Variants in TBC1D16 observed in about 807,000 individuals in gnomAD.
TBC1D16 encodes CTD-2529O21.1.
TBC1D16 carries 58 observed loss-of-function variants against 74.7 expected under a neutral mutation model. The ratio of observed to expected loss-of-function variants is 0.78; its 90% CI spans 0.63 to 0.97. The LOEUF is 0.97. Ranked by LOEUF, TBC1D16 falls within the 50% of genes least tolerant of loss-of-function variation. The pLI is 0.00. For missense variants in TBC1D16, 1,014 were observed against 1,079.5 expected (o/e 0.94, Z 0.85); for synonymous variants, 493 against 474.7 (o/e 1.04, Z -0.50).
rs2031461918 is a variant in TBC1D16, at chr17:79,934,520, T to C, written c.*6339A>G. On this transcript the variant is annotated 3_prime_UTR_variant, in exon 12 of 12. Transcript: ENST00000310924. ...GCCAGGACGTGGCTTCCAGGCAGGA[T>C]GGGGAAGCACCTCCCACTCCCACAT... is the stretch of plus-strand genomic sequence containing the variant. 1 of 152,164 alleles carries C rather than the reference T, an allele frequency of 6.6e-6. No individual in the cohort carries two copies. 9.4% of individuals were successfully genotyped at this position (152,164 alleles called of 1,614,324 possible).
At chr17:79,943,814 A>G (rs1159350942) in intron 10 of TBC1D16, 13 of 1,315,902 alleles carry the variant, frequency 9.9e-6, no homozygotes, top group Non-Finnish European at 1.3e-5. Flanking sequence ...GTTCACGGGT[A>G]ACATCAGCCT....
rs964950119 is a variant in TBC1D16 at position 79,990,128 on chromosome 17, G to C, written c.779+20032C>G. Among the ~76,000 whole-genome samples, 1 of 152,210 alleles carries C rather than the reference G, an allele frequency of 6.6e-6. No homozygotes were observed. The highest frequency in any genetic ancestry group is 2.4e-5 in the African/African-American group (1 of 41,452). ...AAGGTTTTCCCACACTCCATGTCAG[G>C]TCTCTGACATGAACCAGCTTTCAGA... On this transcript the variant is annotated intron_variant, in intron 3 of 11. Transcript: ENST00000310924. This position sits in a 1 kb window ranked among gnomAD's most constrained non-coding sequence, Gnocchi z 4.8.
chr17:79,998,125 CAA>C (rs901486919), intron 3 of TBC1D16, among the ~76,000 whole-genome samples: 1,006 of 51,930 alleles, frequency 0.019, 7 homozygotes, highest in East Asian at 0.12. Context: ...AACTCTGTCT[CAA>C]AAAAAAAAAA....
At chr17:80,033,166 AAC>A (rs1598459532) in intron 1 of TBC1D16, among the ~76,000 whole-genome samples, 1 of 152,224 alleles carries the variant, frequency 6.6e-6, no homozygotes, top group Non-Finnish European at 1.5e-5. Context: ...GGTCATTAAT[AAC>A]AGTGTTAAAA....
At chr17:79,968,071 C>A (rs554346926) in intron 3 of TBC1D16, among the ~76,000 whole-genome samples, 1 of 151,912 alleles carries the variant, frequency 6.6e-6, no homozygotes, top group Non-Finnish European at 1.5e-5. Context: ...CGGCTCACTG[C>A]AACCTCCGCC....
chr17:79,976,341 C>T (rs138775904), intron 3 of TBC1D16, among the ~76,000 whole-genome samples: 570 of 152,300 alleles, frequency 3.7e-3, no homozygotes, highest in Non-Finnish European at 5.6e-3. Context: ...AACCATAAGG[C>T]ATTTTCTCAC....
At chr17:79,997,500 C>T (rs2035318989) in intron 3 of TBC1D16, among the ~76,000 whole-genome samples, 1 of 152,122 alleles carries the variant, frequency 6.6e-6, no homozygotes. Context: ...AACCATGGCC[C>T]GAGGGCCAAA....
Position 80,010,579 on chromosome 17 carries a change from T to A in TBC1D16, c.360A>T (p.Gly120=). 6.3e-7 allele frequency: 1 copy of A among 1,595,530 alleles called. No individual in the cohort carries two copies. Among genetic ancestry groups the A allele is most frequent in the Non-Finnish European group, 8.5e-7 (1 of 1,173,480 alleles). ...RPRGRRTRSS[G]ASHQPSPTEL... ...CCGTCGGGGAGGGCTGGTGGGAGGC[T>A]CCTGAGCTCCGGGTGCGCCGGCCCC... Residue 120 remains glycine, a synonymous_variant, in exon 3 of 12, where the codon GGA becomes GGT. Transcript: ENST00000310924. This position sits in a 1 kb window ranked among gnomAD's most constrained non-coding sequence, Gnocchi z 8.8.
At chr17:79,982,842 G>C (rs2034642360) in intron 3 of TBC1D16, among the ~76,000 whole-genome samples, 1 of 152,192 alleles carries the variant, frequency 6.6e-6, no homozygotes, top group South Asian at 2.1e-4. Context: ...CTGGGCGACA[G>C]AGCAAGACTC....
chr17:79,942,055 C>T lies in TBC1D16; in HGVS notation c.2055+5G>A. ...GGGTGGGGCCCACATCTGGGGCAGCCTCACCTTCCGGAGAACGAGCTCCCC... is the reference window on the plus strand; with the variant it reads ...GGGTGGGGCCCACATCTGGGGCAGCTTCACCTTCCGGAGAACGAGCTCCCC... On this transcript the variant is annotated splice_donor_5th_base_variant and intron_variant, in intron 11 of 11. Transcript: ENST00000310924. 3 of 1,608,386 alleles carry T rather than the reference C, an allele frequency of 1.9e-6. No homozygotes were observed. The highest frequency in any genetic ancestry group is 1.3e-5 in the African/African-American group (1 of 74,944).
At chr17:79,957,339 G>T (rs905365401) in intron 3 of TBC1D16, among the ~76,000 whole-genome samples, 4 of 152,176 alleles carry the variant, frequency 2.6e-5, no homozygotes, top group African/African-American at 9.7e-5. Context: ...CCAGACAAGG[G>T]AATATATTAC....
At chr17:80,013,714 A>G in intron 1 of TBC1D16, 105 bp from the exon 2 acceptor site, 1 of 657,370 alleles carries the variant, frequency 1.5e-6, no homozygotes, top group South Asian at 2.0e-5. Context: ...TAACCACAGG[A>G]GCGTGTCCTG....
chr17:80,021,982 T>C (rs1208614197), intron 1 of TBC1D16, among the ~76,000 whole-genome samples: 1 of 92,792 alleles, frequency 1.1e-5, no homozygotes, highest in African/African-American at 4.2e-5. Flanking sequence ...TTATTTATAT[T>C]ACCTATTTTG....
intron 1 of TBC1D16, among the ~76,000 whole-genome samples, chr17:80,017,241 C>T (rs1347428757): frequency 6.6e-6 from 1 of 152,012 alleles, no homozygotes; most frequent in Non-Finnish European, 1.5e-5. Context: ...TCAACTCGGC[C>T]CTTGGAGTGC....
intron 1 of TBC1D16, among the ~76,000 whole-genome samples, chr17:80,032,868 G>A (rs1268816565): frequency 6.6e-6 from 1 of 152,210 alleles, no homozygotes; most frequent in African/African-American, 2.4e-5. Flanking sequence ...ATTTAGGCCT[G>A]TGACAAAAAT....
chr17:79,953,269 G>A (rs747229153), intron 3 of TBC1D16, among the ~76,000 whole-genome samples: 17 of 152,170 alleles, frequency 1.1e-4, no homozygotes, highest in Admixed American at 5.9e-4. Context: ...GATAGCATGG[G>A]GCTTCCGCGT....
In TBC1D16 at chr17:80,010,539, G is replaced by T. The variant is rs781519425; in HGVS notation, c.400C>A (p.Leu134Met). 3.1e-6 allele frequency: 5 copies of T among 1,610,184 alleles called. No individual in the cohort carries two copies. The African/African-American group carries it at 6.7e-5, about 21-fold the overall frequency. ...QPSPTELRPT[L>M]TPKDEDILVV... ...AGGATGTCCTCATCTTTGGGGGTCAGGGTAGGCCGCAGCTCCGTCGGGGAG... is the reference window on the plus strand; with the variant it reads ...AGGATGTCCTCATCTTTGGGGGTCATGGTAGGCCGCAGCTCCGTCGGGGAG... Residue 134 changes from leucine (L) to methionine (M), a missense_variant, in exon 3 of 12, where the codon CTG (leucine) becomes ATG (methionine). Coordinates refer to ENST00000310924, the MANE Select transcript of TBC1D16 (RefSeq NM_019020.4). This position sits in a 1 kb window ranked among gnomAD's most constrained non-coding sequence, Gnocchi z 8.8.
chr17:79,970,460 C>A (rs188029724), intron 3 of TBC1D16, among the ~76,000 whole-genome samples: 2 of 152,204 alleles, frequency 1.3e-5, no homozygotes, highest in African/African-American at 4.8e-5. Flanking sequence ...CGCTCTCTCC[C>A]GTCTGATTTA....
chr17:79,999,814 G>A (rs968070326), intron 3 of TBC1D16, among the ~76,000 whole-genome samples: 1 of 152,024 alleles, frequency 6.6e-6, no homozygotes, highest in African/African-American at 2.4e-5. Flanking sequence ...AAAGTGCTGG[G>A]ATTACAGACC....
Sources: allele counts gnomAD v4.1 joint callset (sites outside exome capture counted in the v4.1 genomes callset), GRCh38; gene constraint gnomAD v4.1.1; non-coding constraint Gnocchi (gnomAD v3.1); transcripts MANE v1.5; gene names NCBI Gene and HGNC (gene_info 2026-07-23, HGNC 2026-07-21).